DPP10: variants seen among roughly 807,000 people sequenced by gnomAD.
The protein encoded by DPP10 is dipeptidyl peptidase like 10.
Under a neutral mutation model 120.9 loss-of-function variants are expected in DPP10, and 33 were observed. The ratio of observed to expected loss-of-function variants is 0.27; its 90% CI spans 0.21 to 0.37. DPP10 has a LOEUF of 0.37. Ranked by LOEUF, DPP10 falls within the 10% of genes least tolerant of loss-of-function variation. The pLI is 1.00. For missense variants in DPP10, 816 were observed against 942.8 expected, an observed-to-expected ratio of 0.87 and a Z score of 1.76; for synonymous variants, 337 against 326.1, an observed-to-expected ratio of 1.03 and a Z score of -0.36.
At chr2:115,688,156 A>G (rs375483647) in intron 5 of DPP10, among the ~76,000 whole-genome samples, 14 of 152,096 alleles carry the variant, frequency 9.2e-5, no homozygotes, top group African/African-American at 2.9e-4. Flanking sequence ...ATAGAACACA[A>G]AGTAAATGTC....
chr2:115,382,472 G>T (rs2066470715), intron 3 of DPP10, among the ~76,000 whole-genome samples: 1 of 152,152 alleles, frequency 6.6e-6, no homozygotes, highest in African/African-American at 2.4e-5. Flanking sequence ...ACTTCCTATT[G>T]AGATGAACCT....
Position 115,247,750 on chromosome 2 carries a change from C to T in DPP10, c.61-61489C>T, listed in dbSNP as rs76037198. On this transcript the variant is annotated intron_variant, in intron 1 of 25. Coordinates refer to ENST00000410059, the MANE Select transcript of DPP10 (RefSeq NM_020868.6). ...AACAAAGAAACAGAAATGCAGTCTA[C>T]ACTTTCAAGAAGGTTGATGATGATG... 3.5e-3 allele frequency among the ~76,000 whole-genome samples: 527 copies of T among 152,184 alleles called. 3 individuals carry two copies. Among genetic ancestry groups the T allele is most frequent in the Non-Finnish European group, 5.2e-3 (353 of 67,972 alleles).
chr2:114,859,695 C>T (rs1268429201), intron 1 of DPP10, among the ~76,000 whole-genome samples: 3 of 152,170 alleles, frequency 2.0e-5, no homozygotes, highest in African/African-American at 7.2e-5. Flanking sequence ...GGATCTCCTG[C>T]TTCTCTGTGC....
At chr2:114,492,679 T>A (rs1477619280) in intron 1 of DPP10, among the ~76,000 whole-genome samples, 1 of 152,352 alleles carries the variant, frequency 6.6e-6, no homozygotes, top group East Asian at 1.9e-4. Context: ...AAAAGCAGTT[T>A]GCTTTCCATA....
chr2:115,694,605 A>G (rs1259486294), intron 7 of DPP10, among the ~76,000 whole-genome samples: 3 of 152,216 alleles, frequency 2.0e-5, no homozygotes, highest in Admixed American at 6.5e-5. Flanking sequence ...TTGAATAGAA[A>G]TGGTTTGGGA....
intron 3 of DPP10, among the ~76,000 whole-genome samples, chr2:115,476,333 C>T (rs762005075): frequency 9.2e-5 from 14 of 152,228 alleles, no homozygotes; most frequent in Non-Finnish European, 1.3e-4. Context: ...CATGCCTGCT[C>T]CCCCTTTGCC....
At chr2:115,435,909 T>C (rs962832906) in intron 3 of DPP10, among the ~76,000 whole-genome samples, 1 of 151,940 alleles carries the variant, frequency 6.6e-6, no homozygotes, top group African/African-American at 2.4e-5. Context: ...CTTCTGCATA[T>C]GTATATCTCA....
At chr2:114,524,388 T>C (rs1685324845) in intron 1 of DPP10, among the ~76,000 whole-genome samples, 1 of 152,162 alleles carries the variant, frequency 6.6e-6, no homozygotes, top group Non-Finnish European at 1.5e-5. Context: ...CCACTGATGC[T>C]TCTGTGTCCA....
rs1019962836 is a variant in DPP10 at position 115,448,850 on chromosome 2, T to C, written c.272-50660T>C. Among the ~76,000 whole-genome samples, 3 of 152,146 alleles carry C rather than the reference T, an allele frequency of 2.0e-5. No individual in the cohort carries two copies. In the East Asian group the frequency reaches 5.8e-4, roughly 29 times the overall value. Reference sequence around the variant, plus strand: ...TGTTTGAAAAAGTTCTCCCTATCACTTTCTTCATAGCACATATCATTTGAG... The same window carrying C: ...TGTTTGAAAAAGTTCTCCCTATCACCTTCTTCATAGCACATATCATTTGAG... On this transcript the variant is annotated intron_variant, in intron 3 of 25. Transcript: ENST00000410059.
chr2:115,674,444 ACT>A (rs1275362078), intron 5 of DPP10, among the ~76,000 whole-genome samples: 1 of 150,128 alleles, frequency 6.7e-6, no homozygotes, highest in African/African-American at 2.5e-5. Flanking sequence ...AATCGTATGT[ACT>A]CTCTCCACCT....
intron 3 of DPP10, among the ~76,000 whole-genome samples, chr2:115,446,227 C>A (rs1269478412): frequency 6.6e-6 from 1 of 152,176 alleles, no homozygotes; most frequent in East Asian, 1.9e-4. Flanking sequence ...GATTTTAGAG[C>A]ATGTATGAAA....
At chr2:115,779,432 A>G (rs1343922664) in intron 15 of DPP10, among the ~76,000 whole-genome samples, 2 of 152,172 alleles carry the variant, frequency 1.3e-5, no homozygotes, top group Admixed American at 1.3e-4. Context: ...GACTTAATAT[A>G]TGGCACTAGG....
intron 1 of DPP10, among the ~76,000 whole-genome samples, chr2:114,450,405 C>T (rs183841387): frequency 6.9e-4 from 105 of 151,990 alleles, no homozygotes; most frequent in African/African-American, 1.4e-3. Context: ...AGTCTCTCTA[C>T]GAGCTATTAA....
chr2:114,999,405 G>A (rs552619225), intron 1 of DPP10, among the ~76,000 whole-genome samples: 57 of 152,224 alleles, frequency 3.7e-4, no homozygotes, highest in African/African-American at 1.3e-3. Context: ...ACTAAAATGG[G>A]ATTTCTTTTG....
intron 3 of DPP10, among the ~76,000 whole-genome samples, chr2:115,450,475 G>T (rs1517365): frequency 1.3e-5 from 2 of 151,538 alleles, no homozygotes; most frequent in African/African-American, 4.8e-5. Context: ...TTTTTATTGC[G>T]AAACTTTGAT....
intron 1 of DPP10, among the ~76,000 whole-genome samples, chr2:115,056,622 G>T (rs940612300): frequency 2.0e-5 from 3 of 152,118 alleles, no homozygotes; most frequent in African/African-American, 4.8e-5. Flanking sequence ...ACCCCCAAAA[G>T]TGCTGGGATC....
In DPP10 at chr2:114,799,489, A is replaced by G. The variant is rs183552368; in HGVS notation, c.60+356651A>G. ...ATTCCAAAAGCTTCATGATAATTCC[A>G]TTTTCATGAATCCATGTATGTTTTC... On this transcript the variant is annotated intron_variant, in intron 1 of 25. Coordinates refer to ENST00000410059, the MANE Select transcript of DPP10 (RefSeq NM_020868.6). Among the ~76,000 whole-genome samples, 9 of 152,268 alleles carry G rather than the reference A, an allele frequency of 5.9e-5. No homozygotes were observed. The East Asian group carries it at 1.7e-3, about 29-fold the overall frequency.
intron 4 of DPP10, among the ~76,000 whole-genome samples, chr2:115,508,019 A>G (rs771017076): frequency 6.6e-6 from 1 of 152,118 alleles, no homozygotes; most frequent in Non-Finnish European, 1.5e-5. Context: ...TTTAAATGTC[A>G]TTAAATGGGT....
rs1386554558 is a variant in DPP10, at chr2:114,664,197, A to C, written c.60+221359A>C. ...AGAGCTGCTCTCTGGAACTCAGGCAAAACATTACAGTTAAATTCTGAACTC... is the reference window on the plus strand; with the variant it reads ...AGAGCTGCTCTCTGGAACTCAGGCACAACATTACAGTTAAATTCTGAACTC... On this transcript the variant is annotated intron_variant, in intron 1 of 25. Transcript: ENST00000410059. Among the ~76,000 whole-genome samples, 4 of 152,030 alleles carry C rather than the reference A, an allele frequency of 2.6e-5. No homozygotes were observed. The East Asian group carries it at 7.8e-4, about 30-fold the overall frequency.
Sources: gnomAD v4.1 joint callset for allele counts (sites outside exome capture counted in the v4.1 genomes callset) on GRCh38, gnomAD v4.1.1 for gene constraint, MANE v1.5 for transcripts, NCBI Gene and HGNC (gene_info 2026-07-23, HGNC 2026-07-21) for gene names.